Variants in GYG2 observed in about 807,000 individuals in gnomAD.
The protein encoded by GYG2 is glycogenin 2, also known as glycogenin-2.
GYG2 carries 29 observed loss-of-function variants against 29.4 expected under a neutral mutation model. That is an observed-to-expected ratio of 0.99 (90% CI 0.74 to 1.35). The LOEUF (loss-of-function observed/expected upper bound fraction) is 1.35, where lower values mean the gene tolerates loss of function less well. Among genes scored for constraint, GYG2 ranks in the 40% most tolerant of loss-of-function variants. The pLI, the probability that GYG2 is intolerant of heterozygous loss-of-function variation, is 0.00. For synonymous variants in GYG2, 167 were observed against 172.3 expected (o/e 0.97, Z 0.24); for missense variants, 370 against 385.7 (o/e 0.96, Z 0.34).
At chrX:2,864,466 G>C (rs778585573) in intron 8 of GYG2, among the ~76,000 whole-genome samples, 1 of 109,713 alleles carries the variant, frequency 9.1e-6, no homozygotes, top group Non-Finnish European at 1.9e-5. Context: ...GCAGAGGGGG[G>C]ACTGAATAGA....
intron 3 of GYG2, among the ~76,000 whole-genome samples, chrX:2,850,739 C>G (rs1367297242): frequency 2.7e-5 from 3 of 110,874 alleles, no homozygotes; most frequent in Admixed American, 9.7e-5. Flanking sequence ...CTTTCGACCC[C>G]CACTCCTGCC....
chrX:2,865,807 C>T (rs1156328112), intron 8 of GYG2, among the ~76,000 whole-genome samples: 1 of 111,605 alleles, frequency 9.0e-6, no homozygotes, highest in Non-Finnish European at 1.9e-5. Context: ...ATAAGCACAG[C>T]CAGGATGGAG....
intron 2 of GYG2, among the ~76,000 whole-genome samples, chrX:2,831,504 T>C (rs2087263583): frequency 8.9e-6 from 1 of 111,848 alleles, no homozygotes; most frequent in Non-Finnish European, 1.9e-5. Flanking sequence ...GCAGGGATCT[T>C]AAGGGCTGTT....
chrX:2,876,033 CTTTTTTTTTTTTTTT>C (rs59937896), intron 9 of GYG2, 119 bp downstream of exon 9: 9 of 186,529 alleles, frequency 4.8e-5, no homozygotes, highest in African/African-American at 1.3e-4. Flanking sequence ...AAATTCCTCC[CTTTTTTTTTTTTTTT>C]TTTTTTTTTT....
chrX:2,842,712 C>T (rs1380249339), intron 2 of GYG2, among the ~76,000 whole-genome samples: 3 of 104,678 alleles, frequency 2.9e-5, no homozygotes, highest in Non-Finnish European at 5.9e-5. Flanking sequence ...TTGACTTTGT[C>T]CCTTGTTTAA....
intron 9 of GYG2, 22 bp downstream of exon 9, chrX:2,875,936 T>C: frequency 2.3e-6 from 2 of 861,304 alleles, no homozygotes; most frequent in Non-Finnish European, 1.7e-6. Flanking sequence ...CTATATGACC[T>C]ACACATGGCC....
chrX:2,841,837 A>G (rs1424206844), intron 2 of GYG2, among the ~76,000 whole-genome samples: 2 of 112,241 alleles, frequency 1.8e-5, no homozygotes, highest in Non-Finnish European at 1.9e-5. Context: ...ACTTCTCGGC[A>G]TTGCTGGCTG....
In GYG2 at chrX:2,843,790, C is replaced by T. The variant is rs922222822; in HGVS notation, c.149+436C>T. ...GACCACAAGTATGTGCCCCCATGCT[C>T]GGCTATTTTTATTTTTATGTTTTGT... is the stretch of plus-strand genomic sequence containing the variant. On this transcript the variant is annotated intron_variant, in intron 3 of 10. Transcript: ENST00000398806. 7.2e-5 allele frequency among the ~76,000 whole-genome samples: 8 copies of T among 110,937 alleles called. No homozygotes were observed. In the South Asian group the frequency reaches 1.6e-3, roughly 22 times the overall value.
chrX:2,863,766 C>T (rs987278111), intron 8 of GYG2, among the ~76,000 whole-genome samples: 1 of 111,690 alleles, frequency 9.0e-6, no homozygotes, highest in South Asian at 3.8e-4. Flanking sequence ...CCTGAGCATA[C>T]CATAGCCTGG....
rs763864317 is a variant in GYG2, at chrX:2,878,944, T to C, written c.1251+1637T>C. Among the ~76,000 whole-genome samples, 26 of 111,963 alleles carry C rather than the reference T, an allele frequency of 2.3e-4. 2 individuals carry two copies. The Admixed American group carries it at 2.5e-3, about 11-fold the overall frequency. On this transcript the variant is annotated intron_variant, in intron 10 of 10. Transcript: ENST00000398806. Reference sequence around the variant, plus strand: ...GTAGGTCCTGTTAATTCCAGAAACATTTCATTCTCAGGAACTGAATGGATC... The same window carrying C: ...GTAGGTCCTGTTAATTCCAGAAACACTTCATTCTCAGGAACTGAATGGATC...
Position 2,861,486 on chromosome X carries a change from A to G in GYG2, c.838-36A>G, listed in dbSNP as rs371136143. 413 of 1,115,657 alleles carry G rather than the reference A, an allele frequency of 3.7e-4. No homozygotes were observed. The African/African-American group carries it at 6.8e-3, about 18-fold the overall frequency. The allele number at this position is 1,115,657 out of a possible 1,213,427, so 91.9% of individuals were successfully genotyped here. A position where few individuals can be genotyped will look rare whatever the true frequency, so the allele number is the denominator to read the frequency against. On this transcript the variant is annotated intron_variant, in intron 7 of 10. Transcript: ENST00000398806. ...GACAGCAGGTGAATTGAGGAGACAT[A>G]GGGAAGACTCACTCCACGTGTGTGT... is the stretch of plus-strand genomic sequence containing the variant.
chrX:2,843,705 C>G, intron 3 of GYG2, among the ~76,000 whole-genome samples: 1 of 112,146 alleles, frequency 8.9e-6, no homozygotes, highest in East Asian at 2.8e-4. Flanking sequence ...TCTTGGCTCA[C>G]CGCAACCTCT....
intron 8 of GYG2, among the ~76,000 whole-genome samples, chrX:2,865,929 G>GC (rs2147239989): frequency 9.0e-6 from 1 of 111,530 alleles, no homozygotes; most frequent in African/African-American, 3.3e-5. Flanking sequence ...AGGGACATCT[G>GC]CCCCCCGTCC....
At chrX:2,862,966 A>G (rs905571259) in intron 8 of GYG2, among the ~76,000 whole-genome samples, 1 of 110,055 alleles carries the variant, frequency 9.1e-6, no homozygotes, top group Non-Finnish European at 1.9e-5. Flanking sequence ...AGGCTGAGGC[A>G]GGAGGAATGC....
At chrX:2,869,867 C>T (rs762475519) in intron 8 of GYG2, among the ~76,000 whole-genome samples, 277 of 112,446 alleles carry the variant, frequency 2.5e-3, no homozygotes, top group African/African-American at 7.6e-3. Context: ...CTCTTGAATT[C>T]CTGGGCTCTA....
chrX:2,829,738 G>T (rs2087219132), intron 1 of GYG2, among the ~76,000 whole-genome samples: 1 of 109,491 alleles, frequency 9.1e-6, no homozygotes. Context: ...AAGCAGGTGC[G>T]CGGGGCGGCG....
chrX:2,877,795 C>G, intron 10 of GYG2: 1 of 746,365 alleles, frequency 1.3e-6, no homozygotes, highest in Non-Finnish European at 1.6e-6. Context: ...TCCATTGATG[C>G]ATTTAATGAA....
intron 2 of GYG2, among the ~76,000 whole-genome samples, chrX:2,832,594 G>T (rs2087289944): frequency 9.0e-6 from 1 of 111,367 alleles, no homozygotes; most frequent in South Asian, 3.8e-4. Flanking sequence ...GAGTGCGATG[G>T]TGCAATATCG....
At position 2,851,609 on chromosome X, in the gene GYG2, AT is replaced by A. The variant is rs1297365556; in HGVS notation, c.150-2370del. On this transcript the variant is annotated intron_variant, in intron 3 of 10. Coordinates refer to ENST00000398806, the MANE Select transcript of GYG2 (RefSeq NM_001079855.2). ...GAGGTTATGCATTTTTGGCAAAAAAATCATCAGAATTGATGTAAGTTTTCAG... is the reference window on the plus strand; with the variant it reads ...GAGGTTATGCATTTTTGGCAAAAAAACATCAGAATTGATGTAAGTTTTCAG... Among the ~76,000 whole-genome samples, 5 of 111,746 alleles carry A rather than the reference AT, an allele frequency of 4.5e-5. No individual in the cohort carries two copies. The East Asian group carries it at 1.4e-3, about 31-fold the overall frequency.
Sources: gnomAD v4.1 joint callset for allele counts (sites outside exome capture counted in the v4.1 genomes callset) on GRCh38, gnomAD v4.1.1 for gene constraint, MANE v1.5 for transcripts, NCBI Gene and HGNC (gene_info 2026-07-23, HGNC 2026-07-21) for gene names.